Variants in MCIDAS observed in about 807,000 individuals in gnomAD.
The protein encoded by MCIDAS is multicilin.
Under a neutral mutation model 35.4 loss-of-function variants are expected in MCIDAS, and 23 were observed. That is an observed-to-expected ratio of 0.65 (90% CI 0.47 to 0.92). The LOEUF is 0.92. Ranked by LOEUF, MCIDAS falls within the 40% of genes least tolerant of loss-of-function variation. The pLI is 0.00. For synonymous variants in MCIDAS, 228 were observed against 235.2 expected, an observed-to-expected ratio of 0.97 and a Z score of 0.28; for missense variants, 480 against 531.8, an observed-to-expected ratio of 0.90 and a Z score of 0.96.
In MCIDAS at chr5:55,223,120, T is replaced by C. The variant is rs1561115932; in HGVS notation, c.310-97A>G. ...CCTGTTAAAAATCTGGCAGGCACTATGCAATATATGCACGTAACACAACTG... is the reference window on the plus strand; with the variant it reads ...CCTGTTAAAAATCTGGCAGGCACTACGCAATATATGCACGTAACACAACTG... On this transcript the variant is annotated intron_variant, in intron 3 of 6. Transcript: ENST00000513312. The surrounding 1 kb of genome is among the most constrained non-coding windows in gnomAD (Gnocchi z 4.4). The C allele has an allele frequency of 9.7e-6, 9 of 923,124 alleles. No individual in the cohort carries two copies. The allele number at this position is 923,124 out of a possible 1,614,324, so 57.2% of individuals were successfully genotyped here.
At chr5:55,226,440 G>C in intron 3 of MCIDAS, 136 bp downstream of exon 3, 1 of 811,456 alleles carries the variant, frequency 1.2e-6, no homozygotes, top group Admixed American at 2.9e-5. Flanking sequence ...TCAGGTGCCT[G>C]CACAATGCTT....
In MCIDAS at chr5:55,222,287, C is replaced by A; in HGVS notation, c.495G>T (p.Leu165=). The change falls in exon 5 of 7, where the codon CTG becomes CTT. Residue 165 remains leucine (L), a synonymous_variant. Coordinates refer to ENST00000513312, the MANE Select transcript of MCIDAS (RefSeq NM_001190787.3). ...CTGGAGGGCGCAGCGGTGGTGACTGCAGGGCCCGTGGGTCCAGTGGCGGGG... is the reference window on the plus strand; with the variant it reads ...CTGGAGGGCGCAGCGGTGGTGACTGAAGGGCCCGTGGGTCCAGTGGCGGGG... ...CLSPPLDPRA[L]QSPPLRPPDV... The A allele has an allele frequency of 6.5e-7, 1 of 1,535,972 alleles. No homozygotes were observed. Among genetic ancestry groups the A allele is most frequent in the South Asian group, 1.2e-5 (1 of 84,036 alleles).
rs1336637419 is a variant in MCIDAS at position 55,227,023 on chromosome 5, C to G, written c.116G>C (p.Arg39Thr). Residue 39 changes from arginine (R) to threonine (T), a missense_variant, in exon 1 of 7, where the codon AGG becomes ACG. Transcript: ENST00000513312. Reference sequence around the variant, plus strand: ...GGCCCGAATCAACCGCCCCACCTTCCTCTCCGGCTTCCCCGGCTTGCAGAG... The same window carrying G: ...GGCCCGAATCAACCGCCCCACCTTCGTCTCCGGCTTCCCCGGCTTGCAGAG... ...ALLCKPGKPE[R>T]KFAPPRKFFP... 4 of 1,520,232 alleles carry G rather than the reference C, an allele frequency of 2.6e-6. No homozygotes were observed. The highest frequency in any genetic ancestry group is 1.4e-5 in the African/African-American group (1 of 70,524). 94.2% of individuals were successfully genotyped at this position (1,520,232 alleles called of 1,614,324 possible).
intron 5 of MCIDAS, 97 bp downstream of exon 5, chr5:55,222,079 C>G: frequency 3.4e-6 from 4 of 1,175,454 alleles, no homozygotes; most frequent in Non-Finnish European, 4.8e-6. Context: ...CTGGTTCCGA[C>G]TCACAGGACC....
chr5:55,226,914 C>G lies in MCIDAS; in HGVS notation c.138G>C (p.Lys46Asn), dbSNP rs1745467164. Reference protein sequence around the residue: ...KPERKFAPPRKFFPGCTGGSP... With the variant: ...KPERKFAPPRNFFPGCTGGSP... ...TCCCGCCTGTGCATCCGGGGAAGAA[C>G]TTCCGCGGAGGAGCGAACTGGCCGG... Residue 46 changes from lysine to asparagine, a missense_variant, in exon 2 of 7, where the codon AAG (lysine) becomes AAC (asparagine). Coordinates refer to ENST00000513312, the MANE Select transcript of MCIDAS (RefSeq NM_001190787.3). 7.0e-7 allele frequency: 1 copy of G among 1,427,954 alleles called. No homozygotes were observed. The highest frequency in any genetic ancestry group is 1.5e-5 in the African/African-American group (1 of 66,758). The allele number at this position is 1,427,954 out of a possible 1,614,324, so 88.5% of individuals were successfully genotyped here. A position where few individuals can be genotyped will look rare whatever the true frequency, so the allele number is the denominator to read the frequency against.
rs1419975153 is a variant in MCIDAS, at chr5:55,226,568, G to A, written c.309+8C>T. 2.4e-5 allele frequency: 37 copies of A among 1,530,594 alleles called. 1 individual carries two copies. In the East Asian group the frequency reaches 8.7e-4, roughly 36 times the overall value. The allele number at this position is 1,530,594 out of a possible 1,614,324, so 94.8% of individuals were successfully genotyped here. On this transcript the variant is annotated splice_region_variant and intron_variant, in intron 3 of 6. Transcript: ENST00000513312. ...GAAACCACGAGGCTCCACGAGAAGG[G>A]GAGGTACCTGCGAGGCGGCCAGGTC...
rs576949076 is a variant in MCIDAS, at chr5:55,226,515, C to T, written c.309+61G>A. 3 of 1,474,250 alleles carry T rather than the reference C, an allele frequency of 2.0e-6. No individual in the cohort carries two copies. The East Asian group carries it at 7.7e-5, about 38-fold the overall frequency. 91.3% of individuals were successfully genotyped at this position (1,474,250 alleles called of 1,614,324 possible). A position where few individuals can be genotyped will look rare whatever the true frequency, so the allele number is the denominator to read the frequency against. On this transcript the variant is annotated intron_variant, in intron 3 of 6. Transcript: ENST00000513312. ...AGGAGCTTTTGGGGAATTAAAACCA[C>T]CACCCCGGAGGAGGGTTTGGGTTGC...
chr5:55,220,266 G>C lies in MCIDAS; in HGVS notation c.*100C>G, dbSNP rs1423959732. 3 of 1,135,768 alleles carry C rather than the reference G, an allele frequency of 2.6e-6. No homozygotes were observed. Among genetic ancestry groups the C allele is most frequent in the Non-Finnish European group, 3.6e-6 (3 of 825,340 alleles). The allele number at this position is 1,135,768 out of a possible 1,614,324, so 70.4% of individuals were successfully genotyped here. On this transcript the variant is annotated 3_prime_UTR_variant, in exon 7 of 7. Coordinates refer to ENST00000513312, the MANE Select transcript of MCIDAS (RefSeq NM_001190787.3). Reference sequence around the variant, plus strand: ...TCAAGATGCTTTTGTTCCTGAAAAAGTGTTTCAGGGTGGCATTCAACCTGA... The same window carrying C: ...TCAAGATGCTTTTGTTCCTGAAAAACTGTTTCAGGGTGGCATTCAACCTGA...
In MCIDAS at chr5:55,223,094, C is replaced by G. The variant is rs1009466027; in HGVS notation, c.310-71G>C. The G allele has an allele frequency of 2.6e-5, 34 of 1,310,748 alleles. 1 individual carries two copies. Among genetic ancestry groups the G allele is most frequent in the Admixed American group, 1.4e-4 (7 of 50,312 alleles). 81.2% of individuals were successfully genotyped at this position (1,310,748 alleles called of 1,614,324 possible). ...GAAAGCCTTCAATAAATATTGGCGT[C>G]CCTGTTAAAAATCTGGCAGGCACTA... is the stretch of plus-strand genomic sequence containing the variant. On this transcript the variant is annotated intron_variant, in intron 3 of 6. Coordinates refer to ENST00000513312, the MANE Select transcript of MCIDAS (RefSeq NM_001190787.3). This position sits in a 1 kb window ranked among gnomAD's most constrained non-coding sequence, Gnocchi z 4.4.
chr5:55,222,346 G>A lies in MCIDAS; in HGVS notation c.436C>T (p.Pro146Ser). 4 of 1,533,618 alleles carry A rather than the reference G, an allele frequency of 2.6e-6. No individual in the cohort carries two copies. Among genetic ancestry groups the A allele is most frequent in the Non-Finnish European group, 2.6e-6 (3 of 1,145,110 alleles). The change falls in exon 5 of 7, where the codon CCT becomes TCT. Residue 146 changes from proline to serine, a missense_variant. By Grantham distance (74) the Pro-to-Ser change is moderately conservative (BLOSUM62 -1). Coordinates refer to ENST00000513312, the MANE Select transcript of MCIDAS (RefSeq NM_001190787.3). ...TLASGDFPFS[P>S]CDISPFGPCL... ...GGCCCGAATGGTGATATGTCGCAAG[G>A]AGAGAAGGGGAAGTCTCCGCTGGCC...
chr5:55,223,119 A>G lies in MCIDAS; in HGVS notation c.310-96T>C, dbSNP rs1745391859. The G allele has an allele frequency of 1.1e-6, 1 of 921,206 alleles. No individual in the cohort carries two copies. Among genetic ancestry groups the G allele is most frequent in the Non-Finnish European group, 1.7e-6 (1 of 594,290 alleles). 57.1% of individuals were successfully genotyped at this position (921,206 alleles called of 1,614,324 possible). On this transcript the variant is annotated intron_variant, in intron 3 of 6. Coordinates refer to ENST00000513312, the MANE Select transcript of MCIDAS (RefSeq NM_001190787.3). The surrounding 1 kb of genome is among the most constrained non-coding windows in gnomAD (Gnocchi z 4.4). ...CCCTGTTAAAAATCTGGCAGGCACT[A>G]TGCAATATATGCACGTAACACAACT...
chr5:55,220,681 G>C lies in MCIDAS; in HGVS notation c.843C>G (p.Asp281Glu). 6.5e-7 allele frequency: 1 copy of C among 1,536,048 alleles called. No homozygotes were observed. The highest frequency in any genetic ancestry group is 8.7e-7 in the Non-Finnish European group (1 of 1,146,854). Reference protein sequence around the residue: ...SAAGQDCAEVDAILREISERC... With the variant: ...SAAGQDCAEVEAILREISERC... ...GCTCGGAAATCTCCCTCAGGATGGC[G>C]TCCACTTCCGCGCAATCCTGCCCCG... is the stretch of plus-strand genomic sequence containing the variant. The change falls in exon 7 of 7, where the codon GAC becomes GAG. Residue 281 changes from aspartate (D) to glutamate (E), a missense_variant. Physicochemically the swap from Asp to Glu is conservative, Grantham distance 45. Transcript: ENST00000513312.
intron 6 of MCIDAS, 48 bp downstream of exon 6, chr5:55,220,968 G>C: frequency 1.3e-6 from 2 of 1,500,184 alleles, no homozygotes; most frequent in East Asian, 2.5e-5. Flanking sequence ...GCACTGAACT[G>C]TTCAGTTCCG....
In MCIDAS at chr5:55,222,380, C is replaced by T; in HGVS notation, c.402G>A (p.Ser134=). The part of the protein sequence containing the change: ...DLISDSSSMM[S]PTLASGDFPF... ...GGAAGTCTCCGCTGGCCAGGGTAGG[C>T]GACATCATAGAGGATGAGTCTGGAG... is the stretch of plus-strand genomic sequence containing the variant. The change falls in exon 5 of 7, where the codon TCG becomes TCA. Residue 134 remains serine, a synonymous_variant. Transcript: ENST00000513312. 6.6e-7 allele frequency: 1 copy of T among 1,515,670 alleles called. No individual in the cohort carries two copies. Among genetic ancestry groups the T allele is most frequent in the South Asian group, 1.2e-5 (1 of 81,480 alleles). 93.9% of individuals were successfully genotyped at this position (1,515,670 alleles called of 1,614,324 possible). A position where few individuals can be genotyped will look rare whatever the true frequency, so the allele number is the denominator to read the frequency against.
Position 55,220,522 on chromosome 5 carries a change from C to T in MCIDAS, c.1002G>A (p.Ala334=), listed in dbSNP as rs1294011270. Residue 334 remains alanine, a synonymous_variant, in exon 7 of 7, where the codon GCG becomes GCA. Coordinates refer to ENST00000513312, the MANE Select transcript of MCIDAS (RefSeq NM_001190787.3). ...CCAGCTCACTGTGGCTCAGGTTCAA[C>T]GCGCTCCGGCTGCAGTCTGTGCGCA... ...RGLRTDCSRS[A]LNLSHSELEE... is the part of the protein sequence containing the mutation. The T allele has an allele frequency of 2.0e-6, 3 of 1,535,992 alleles. No homozygotes were observed. The highest frequency in any genetic ancestry group is 2.4e-5 in the East Asian group (1 of 40,920).
rs1031042671 is a variant in MCIDAS at position 55,222,232 on chromosome 5, C to T, written c.550G>A (p.Glu184Lys). Residue 184 changes from glutamate (E) to lysine (K), a missense_variant, in exon 5 of 7, where the codon GAG becomes AAG. Physicochemically the swap from Glu to Lys is moderately conservative, Grantham distance 56. Coordinates refer to ENST00000513312, the MANE Select transcript of MCIDAS (RefSeq NM_001190787.3). Reference protein sequence around the residue: ...DVPPPEQYWKEVADQNQRALG... With the variant: ...DVPPPEQYWKKVADQNQRALG... ...GCTCTCTGGTTCTGGTCCGCCACCT[C>T]CTTCCAGTATTGCTCAGGCGGGGGC... 2.0e-6 allele frequency: 3 copies of T among 1,535,840 alleles called. No homozygotes were observed. The African/African-American group carries it at 4.1e-5, about 21-fold the overall frequency.
rs1745328263 is a variant in MCIDAS, at chr5:55,220,383, G to A, written c.1141C>T (p.Arg381Cys). 1 of 1,535,210 alleles carries A rather than the reference G, an allele frequency of 6.5e-7. No homozygotes were observed. The highest frequency in any genetic ancestry group is 8.7e-7 in the Non-Finnish European group (1 of 1,146,228). Reference protein sequence around the residue: ...IRTANGGYKFRWVPS With the variant: ...IRTANGGYKFCWVPS ...ATCACAGCTCAACTGGGGACCCAGC[G>A]GAACTTGTAACCCCCGTTGGCTGTT... The change falls in exon 7 of 7, where the codon CGC becomes TGC. Residue 381 changes from arginine (R) to cysteine (C), a missense_variant. Physicochemically the swap from Arg to Cys is radical, Grantham distance 180. Transcript: ENST00000513312.
rs529535811 is a variant in MCIDAS, at chr5:55,219,783, C to G, written c.*583G>C. 2 of 152,318 alleles carry G rather than the reference C, an allele frequency of 1.3e-5. No homozygotes were observed. Among genetic ancestry groups the G allele is most frequent in the South Asian group, 4.1e-4 (2 of 4,828 alleles). The allele number at this position is 152,318 out of a possible 1,614,324, so 9.4% of individuals were successfully genotyped here. A position where few individuals can be genotyped will look rare whatever the true frequency, so the allele number is the denominator to read the frequency against. On this transcript the variant is annotated 3_prime_UTR_variant, in exon 7 of 7. Transcript: ENST00000513312. ...CATTGCCTCTGAGAATCTGCCTTTTCCTAAGACAACTGTTTGGGTTACCTC... is the reference window on the plus strand; with the variant it reads ...CATTGCCTCTGAGAATCTGCCTTTTGCTAAGACAACTGTTTGGGTTACCTC...
Position 55,222,007 on chromosome 5 carries a change from C to G in MCIDAS, c.606+169G>C, listed in dbSNP as rs334876. On this transcript the variant is annotated intron_variant, in intron 5 of 6. Transcript: ENST00000513312. Reference sequence around the variant, plus strand: ...TGGGGTAGAATTATTCCCACTTAACCAATTTGGAAACAGGTGGAGCCACCG... The same window carrying G: ...TGGGGTAGAATTATTCCCACTTAACGAATTTGGAAACAGGTGGAGCCACCG... 0.84 allele frequency among the ~76,000 whole-genome samples: 127,152 copies of G among 152,202 alleles called. 53,092 individuals carry two copies. Among genetic ancestry groups the G allele is most frequent in the Middle Eastern group, 0.88 (258 of 294 alleles).
Sources: gnomAD v4.1 joint callset for allele counts (sites outside exome capture counted in the v4.1 genomes callset) on GRCh38, gnomAD v4.1.1 for gene constraint, Gnocchi (gnomAD v3.1) non-coding constraint, MANE v1.5 for transcripts, NCBI Gene and HGNC (gene_info 2026-07-23, HGNC 2026-07-21) for gene names.